Variants in GLB1L3 observed in about 807,000 individuals in gnomAD.
GLB1L3 encodes galactosidase beta 1 like 3.
GLB1L3 carries 89 observed loss-of-function variants against 89.5 expected under a neutral mutation model. That is an observed-to-expected ratio of 0.99 (90% CI 0.84 to 1.19). The LOEUF is 1.19. GLB1L3 is among the 50% of genes most tolerant of loss of function. The probability of loss-of-function intolerance (pLI) is 0.00; values close to 1 mark genes in which losing one functional copy is unlikely to be tolerated. For missense variants in GLB1L3, 812 were observed against 813.3 expected, an observed-to-expected ratio of 1.00 and a Z score of 0.02; for synonymous variants, 314 against 312.3, an observed-to-expected ratio of 1.01 and a Z score of -0.06.
intron 12 of GLB1L3, 111 bp from the exon 13 acceptor site, chr11:134,310,953 A>C: frequency 1.3e-6 from 1 of 758,766 alleles, no homozygotes; most frequent in Non-Finnish European, 2.3e-6. Context: ...CATGGATGAC[A>C]TAGTAACCCC....
downstream of GLB1L3, among the ~76,000 whole-genome samples, chr11:134,324,151 A>G (rs1943196437): frequency 6.6e-6 from 1 of 152,244 alleles, no homozygotes; most frequent in Non-Finnish European, 1.5e-5. Context: ...CAAAGAATAA[A>G]GGAGAAGAAT....
rs773505135 is a variant in GLB1L3 at position 134,313,369 on chromosome 11, T to C, written c.1501-27T>C. The C allele has an allele frequency of 1.9e-6, 3 of 1,551,208 alleles. No homozygotes were observed. In the South Asian group the frequency reaches 3.6e-5, roughly 18 times the overall value. On this transcript the variant is annotated intron_variant, in intron 15 of 19. Transcript: ENST00000431683. Reference sequence around the variant, plus strand: ...GTAGACGCCCTCCATGGCTGCGTGGTCTCCATGACCTGGCCTGTCCCAGCA... The same window carrying C: ...GTAGACGCCCTCCATGGCTGCGTGGCCTCCATGACCTGGCCTGTCCCAGCA...
intron 8 of GLB1L3, 136 bp downstream of exon 8, chr11:134,292,349 C>A: frequency 1.6e-6 from 1 of 619,642 alleles, no homozygotes; most frequent in Non-Finnish European, 2.9e-6. Context: ...TCCTGGAGTT[C>A]GATGTTACAA....
chr11:134,305,167 C>A, intron 9 of GLB1L3: 3 of 1,300,860 alleles, frequency 2.3e-6, no homozygotes, highest in Non-Finnish European at 3.3e-6. Context: ...GCAGCAACTT[C>A]TTCCTCCTTA....
downstream of GLB1L3, among the ~76,000 whole-genome samples, chr11:134,322,509 C>A (rs1413095300): frequency 3.3e-5 from 5 of 152,126 alleles, no homozygotes; most frequent in Non-Finnish European, 7.4e-5. Flanking sequence ...AGCATCATCA[C>A]CATCTGATCT....
At position 134,312,832 on chromosome 11, in the gene GLB1L3, CAAT is replaced by C. The variant is rs770399180; in HGVS notation, c.1446_1448del (p.Met483del). 47 of 1,611,778 alleles carry C rather than the reference CAAT, an allele frequency of 2.9e-5. No homozygotes were observed. The highest frequency in any genetic ancestry group is 1.6e-4 in the East Asian group (7 of 44,868). ...CTTTTGCAGGTGTTTTTGGATGAGA[CAAT>C]GATAGGGATTCTGAATGAGAATAAT... On this transcript the variant is annotated inframe_deletion, in exon 15 of 20. Transcript: ENST00000431683.
chr11:134,297,892 G>GA (rs1192359262), intron 9 of GLB1L3, among the ~76,000 whole-genome samples: 6 of 147,002 alleles, frequency 4.1e-5, no homozygotes, highest in African/African-American at 1.5e-4. Context: ...AAGAAAGAGA[G>GA]AAAAAAATAT....
At chr11:134,298,722 A>C (rs1014908542) in intron 9 of GLB1L3, among the ~76,000 whole-genome samples, 2 of 152,062 alleles carry the variant, frequency 1.3e-5, no homozygotes, top group African/African-American at 4.8e-5. Flanking sequence ...CATGATTCTG[A>C]GGCCTCCCCA....
At chr11:134,294,640 T>A (rs1325754417) in intron 9 of GLB1L3, among the ~76,000 whole-genome samples, 1 of 152,210 alleles carries the variant, frequency 6.6e-6, no homozygotes, top group Non-Finnish European at 1.5e-5. Flanking sequence ...CTTATCACAG[T>A]TAATCCCGTC....
At chr11:134,286,747 A>G (rs1016016738) in intron 6 of GLB1L3, among the ~76,000 whole-genome samples, 2 of 151,498 alleles carry the variant, frequency 1.3e-5, no homozygotes, top group Admixed American at 6.6e-5. Context: ...ACCGCACTCC[A>G]GCCTGGGCGA....
At chr11:134,313,311 C>A in intron 15 of GLB1L3, 85 bp from the exon 16 acceptor site, 2 of 975,778 alleles carry the variant, frequency 2.0e-6, no homozygotes, top group Non-Finnish European at 3.2e-6. Flanking sequence ...TGTGTCTCTC[C>A]ATGTGGGACT....
At chr11:134,283,236 T>C (rs796898033) in intron 5 of GLB1L3, among the ~76,000 whole-genome samples, 3 of 152,244 alleles carry the variant, frequency 2.0e-5, no homozygotes, top group African/African-American at 7.2e-5. Context: ...CTAATTTCTG[T>C]ACTTTTAGTG....
chr11:134,301,118 A>G (rs908201150), intron 9 of GLB1L3, among the ~76,000 whole-genome samples: 1 of 152,158 alleles, frequency 6.6e-6, no homozygotes, highest in African/African-American at 2.4e-5. Context: ...TTTGTGTTAT[A>G]TTAGAGGATC....
chr11:134,277,843 G>A lies in GLB1L3; in HGVS notation c.293G>A (p.Arg98Gln), dbSNP rs756194379. 4 of 1,613,948 alleles carry A rather than the reference G, an allele frequency of 2.5e-6. No individual in the cohort carries two copies. The highest frequency in any genetic ancestry group is 2.2e-5 in the East Asian group (1 of 44,880). ...LIFGGSIHYF[R>Q]VPREYWRDRL... ...TTCGGGGGCTCCATCCACTATTTCC[G>A]GGTGCCCAGGGAGTACTGGAGGGAC... is the stretch of plus-strand genomic sequence containing the variant. The change falls in exon 3 of 20, where the codon CGG becomes CAG. Residue 98 changes from arginine (R) to glutamine (Q), a missense_variant. Physicochemically the swap from Arg to Gln is conservative, Grantham distance 43. This residue lies in a region of GLB1L3 where 191 missense variants were observed against 191.4 expected (regional missense o/e 1.00). Coordinates refer to ENST00000431683, the MANE Select transcript of GLB1L3 (RefSeq NM_001080407.3).
intron 7 of GLB1L3, 112 bp from the exon 8 acceptor site, chr11:134,292,018 CTG>C: frequency 1.5e-6 from 1 of 688,554 alleles, no homozygotes; most frequent in South Asian, 2.0e-5. Context: ...ATATTTCTGA[CTG>C]TGATTGCAGA....
intron 18 of GLB1L3, 71 bp downstream of exon 18, chr11:134,314,512 C>T: frequency 5.2e-6 from 5 of 958,756 alleles, no homozygotes; most frequent in Non-Finnish European, 8.2e-6. Context: ...TGAAGCAAAG[C>T]CAGCGTTCCT....
At chr11:134,306,887 A>G (rs754592606) in intron 9 of GLB1L3, among the ~76,000 whole-genome samples, 1 of 152,216 alleles carries the variant, frequency 6.6e-6, no homozygotes, top group Non-Finnish European at 1.5e-5. Context: ...CTTTCCGGGT[A>G]TAGTAGGGAG....
At chr11:134,283,584 C>T (rs764308327) in intron 5 of GLB1L3, among the ~76,000 whole-genome samples, 153 bp from the exon 6 acceptor site, 2 of 152,270 alleles carry the variant, frequency 1.3e-5, no homozygotes, top group Admixed American at 6.5e-5. Flanking sequence ...GAAAGTCTCA[C>T]GCGGCACAGA....
At chr11:134,303,199 C>T (rs925880336) in intron 9 of GLB1L3, among the ~76,000 whole-genome samples, 2 of 152,100 alleles carry the variant, frequency 1.3e-5, no homozygotes, top group Non-Finnish European at 2.9e-5. Flanking sequence ...TTTCTATATC[C>T]TCATTTGGGT....
Sources: allele counts gnomAD v4.1 joint callset (sites outside exome capture counted in the v4.1 genomes callset), GRCh38; gene constraint gnomAD v4.1.1; regional missense constraint gnomAD v4.1.1; transcripts MANE v1.5; gene names NCBI Gene and HGNC (gene_info 2026-07-23, HGNC 2026-07-21).